RFWD3: variants seen among roughly 807,000 people sequenced by gnomAD.
The protein encoded by RFWD3 is ring finger and WD repeat domain 3.
RFWD3 carries 65 observed loss-of-function variants against 87.7 expected under a neutral mutation model. That is an observed-to-expected ratio of 0.74 (90% CI 0.61 to 0.91). The LOEUF is 0.91. RFWD3 is among the 40% of genes least tolerant of loss of function. RFWD3 has a pLI of 0.00. For synonymous variants in RFWD3, 433 were observed against 352.8 expected (o/e 1.23, Z -2.55); for missense variants, 1,078 against 938.5 (o/e 1.15, Z -1.94).
At chr16:74,657,700 G>A (rs913803745) in intron 2 of RFWD3, among the ~76,000 whole-genome samples, 5 of 151,910 alleles carry the variant, frequency 3.3e-5, no homozygotes, top group East Asian at 1.9e-4. Context: ...TCTCGAACTC[G>A]TGACCTCAGG....
At chr16:74,628,322 A>C in intron 11 of RFWD3, 130 bp downstream of exon 11, 3 of 782,690 alleles carry the variant, frequency 3.8e-6, no homozygotes, top group Non-Finnish European at 6.1e-6. Flanking sequence ...TGTAGTAGCA[A>C]GAGCTACAAC....
rs557766337 is a variant in RFWD3, at chr16:74,635,679, T to A, written c.1426+667A>T. On this transcript the variant is annotated intron_variant, in intron 8 of 12. Coordinates refer to ENST00000361070, the MANE Select transcript of RFWD3 (RefSeq NM_018124.4). ...TTTATTTGATGATAAATCTTTTTAT[T>A]AAAAACTTAGATGGGATAAAGGAAC... 9.2e-5 allele frequency among the ~76,000 whole-genome samples: 14 copies of A among 152,312 alleles called. No homozygotes were observed. In the East Asian group the frequency reaches 1.5e-3, roughly 17 times the overall value.
At chr16:74,645,152 A>G (rs1960021739) in intron 4 of RFWD3, among the ~76,000 whole-genome samples, 1 of 152,238 alleles carries the variant, frequency 6.6e-6, no homozygotes, top group Non-Finnish European at 1.5e-5. Flanking sequence ...ACCATTTTTC[A>G]TCTATCAGAC....
chr16:74,628,410 T>C, intron 11 of RFWD3, 42 bp downstream of exon 11: 1 of 1,583,648 alleles, frequency 6.3e-7, no homozygotes. Flanking sequence ...TCTCTACCAC[T>C]GTGCTCCCAA....
At chr16:74,656,875 G>T (rs774863029) in intron 2 of RFWD3, among the ~76,000 whole-genome samples, 1 of 152,152 alleles carries the variant, frequency 6.6e-6, no homozygotes, top group African/African-American at 2.4e-5. Context: ...GACTTTTGCC[G>T]GGCTCAAGAC....
chr16:74,642,143 C>G (rs4286131), intron 6 of RFWD3, among the ~76,000 whole-genome samples: 110,854 of 151,344 alleles, frequency 0.73, 41,040 homozygotes, highest in African/African-American at 0.84. Context: ...TTAAATTTGA[C>G]ACAGAGTCTT....
intron 10 of RFWD3, 66 bp from the exon 11 acceptor site, chr16:74,628,732 C>G (rs1165279098): frequency 3.5e-6 from 5 of 1,429,454 alleles, no homozygotes; most frequent in Non-Finnish European, 4.9e-6. Flanking sequence ...ACCCCACTAC[C>G]AGACCTCAAG....
intron 11 of RFWD3, among the ~76,000 whole-genome samples, chr16:74,627,959 A>C (rs1011792795): frequency 6.6e-6 from 1 of 152,192 alleles, no homozygotes; most frequent in Non-Finnish European, 1.5e-5. Flanking sequence ...TGAATGAAGC[A>C]CAGTCTGCTG....
chr16:74,645,478 T>G (rs1318025131), intron 4 of RFWD3, among the ~76,000 whole-genome samples: 1 of 152,206 alleles, frequency 6.6e-6, no homozygotes, highest in East Asian at 1.9e-4. Context: ...TATTACATAC[T>G]TAGACAACAA....
intron 2 of RFWD3, among the ~76,000 whole-genome samples, chr16:74,657,844 C>CTA (rs969651149): frequency 2.6e-5 from 4 of 152,112 alleles, no homozygotes; most frequent in Admixed American, 2.6e-4. Flanking sequence ...TGAACAGCAG[C>CTA]TATAGCTACC....
intron 1 of RFWD3, among the ~76,000 whole-genome samples, chr16:74,665,568 ACT>A (rs1961816963): frequency 6.6e-6 from 1 of 151,162 alleles, no homozygotes; most frequent in African/African-American, 2.4e-5. Flanking sequence ...ACAAAGCGAG[ACT>A]CTATCTCAAA....
intron 4 of RFWD3, among the ~76,000 whole-genome samples, chr16:74,645,745 CTTTTTTT>C (rs71376293): frequency 6.7e-5 from 5 of 74,212 alleles, no homozygotes; most frequent in Admixed American, 2.0e-4. Context: ...CAAATATTTT[CTTTTTTT>C]TTTTTTTTTT....
Position 74,648,836 on chromosome 16 carries a change from A to G in RFWD3, c.792+296T>C, listed in dbSNP as rs527565000. Among the ~76,000 whole-genome samples the G allele has an allele frequency of 3.9e-5, 6 of 152,210 alleles. No individual in the cohort carries two copies. The East Asian group carries it at 1.2e-3, about 30-fold the overall frequency. ...CATGGTGGCTCATGACTACAATCTC[A>G]ATGGTTTGGGAGGCCGAGGCAGGAC... On this transcript the variant is annotated intron_variant, in intron 4 of 12. Coordinates refer to ENST00000361070, the MANE Select transcript of RFWD3 (RefSeq NM_018124.4).
intron 2 of RFWD3, 31 bp from the exon 3 acceptor site, chr16:74,652,153 G>C (rs769479301): frequency 2.5e-6 from 4 of 1,585,846 alleles, no homozygotes; most frequent in African/African-American, 2.7e-5. Flanking sequence ...CGGAATTATA[G>C]TACAATGAAC....
At chr16:74,638,067 C>G in intron 6 of RFWD3, 97 bp from the exon 7 acceptor site, 4 of 704,886 alleles carry the variant, frequency 5.7e-6, no homozygotes, top group Non-Finnish European at 1.0e-5. Flanking sequence ...GATGCACGTT[C>G]TTTGCTGTAA....
chr16:74,648,066 C>G (rs1428993115), intron 4 of RFWD3, among the ~76,000 whole-genome samples: 2 of 152,108 alleles, frequency 1.3e-5, no homozygotes, highest in African/African-American at 4.8e-5. Context: ...GTCTCAGACT[C>G]CCTAAGTAGC....
chr16:74,625,858 C>CAGTG (rs1344055420), intron 12 of RFWD3, among the ~76,000 whole-genome samples: 1 of 152,162 alleles, frequency 6.6e-6, no homozygotes, highest in Admixed American at 6.5e-5. Context: ...CTGTACTGGA[C>CAGTG]AGTGCTACTC....
chr16:74,665,446 C>T (rs1003417854), intron 1 of RFWD3, among the ~76,000 whole-genome samples: 5 of 152,094 alleles, frequency 3.3e-5, no homozygotes, highest in East Asian at 3.9e-4. Flanking sequence ...GGTGTGGTGG[C>T]GCATGCCTGT....
intron 8 of RFWD3, among the ~76,000 whole-genome samples, chr16:74,635,463 T>C (rs1444623791): frequency 1.9e-5 from 2 of 105,844 alleles, no homozygotes; most frequent in Non-Finnish European, 3.7e-5. Flanking sequence ...TGAGACTCCA[T>C]CTCAAAAGAA....
Sources: allele counts gnomAD v4.1 joint callset (sites outside exome capture counted in the v4.1 genomes callset), GRCh38; gene constraint gnomAD v4.1.1; transcripts MANE v1.5; gene names NCBI Gene and HGNC (gene_info 2026-07-23, HGNC 2026-07-21).